Variants in DGKH observed in about 807,000 individuals in gnomAD.
DGKH encodes DAG kinase eta.
Under a neutral mutation model 159.3 loss-of-function variants are expected in DGKH, and 90 were observed. The ratio of observed to expected loss-of-function variants is 0.57; its 90% CI spans 0.48 to 0.67. The LOEUF (loss-of-function observed/expected upper bound fraction) is 0.67. DGKH is among the 30% of genes least tolerant of loss of function. The pLI is 0.00. For missense variants in DGKH, 1,181 were observed against 1,506.1 expected (o/e 0.78, Z 3.57); for synonymous variants, 536 against 553.8 (o/e 0.97, Z 0.45).
rs74399034 is a variant in DGKH, at chr13:42,239,493, A to G, written c.*10305A>G. The G allele has an allele frequency of 0.099, 15,091 of 152,602 alleles. 819 individuals are homozygous for G. Among genetic ancestry groups the G allele is most frequent in the Non-Finnish European group, 0.11 (7,572 of 67,980 alleles). The allele number at this position is 152,602 out of a possible 1,614,324, so 9.5% of individuals were successfully genotyped here. A position where few individuals can be genotyped will look rare whatever the true frequency, so the allele number is the denominator to read the frequency against. On this transcript the variant is annotated 3_prime_UTR_variant, in exon 30 of 30. Transcript: ENST00000337343. ...TCAATTTTTTTCAGTATGCAGTTGC[A>G]TATTTCATTTTTTGATTATGTCAAA... is the stretch of plus-strand genomic sequence containing the variant.
In DGKH at chr13:42,173,395, A is replaced by G. The variant is rs549463521; in HGVS notation, c.1368-665A>G. The stretch of plus-strand genomic sequence containing the variant: ...AGTTGATTGCTTTTCTCTAACACCA[A>G]ATGATTTTATGTTTGCTTTGAAATT... On this transcript the variant is annotated intron_variant, in intron 11 of 29. Transcript: ENST00000337343. Among the ~76,000 whole-genome samples the G allele has an allele frequency of 2.6e-5, 4 of 152,308 alleles. No homozygotes were observed. The East Asian group carries it at 7.7e-4, about 29-fold the overall frequency.
intron 11 of DGKH, among the ~76,000 whole-genome samples, chr13:42,173,245 A>G (rs139194669): frequency 0.021 from 3,238 of 152,350 alleles, 52 homozygotes; most frequent in Non-Finnish European, 0.033. Context: ...TGCTGGGATT[A>G]CAGGCATGAG....
intron 3 of DGKH, among the ~76,000 whole-genome samples, chr13:42,142,086 A>G (rs1223449113): frequency 1.3e-5 from 2 of 151,706 alleles, no homozygotes; most frequent in East Asian, 3.9e-4. Context: ...GGTGTAAGGA[A>G]GGGATCCAGT....
intron 1 of DGKH, among the ~76,000 whole-genome samples, chr13:42,108,376 G>T (rs1195610513): frequency 6.6e-6 from 1 of 152,174 alleles, no homozygotes; most frequent in Non-Finnish European, 1.5e-5. Context: ...CCTAAGCAGT[G>T]CTTAGGAAAA....
upstream of DGKH, among the ~76,000 whole-genome samples, chr13:42,048,059 G>T (rs1029471604): frequency 4.0e-5 from 6 of 151,430 alleles, no homozygotes; most frequent in Admixed American, 3.3e-4. The surrounding 1 kb of genome is among the most constrained non-coding windows in gnomAD (Gnocchi z 6.7). Flanking sequence ...GCCGCCGTCA[G>T]GAGAGCTGAG....
At chr13:42,155,871 T>A (rs1298653087) in intron 5 of DGKH, 72 bp downstream of exon 5, 2 of 1,577,732 alleles carry the variant, frequency 1.3e-6, no homozygotes, top group Non-Finnish European at 1.7e-6. Context: ...CTGGTTTTAT[T>A]GTAGCTTAAA....
At chr13:42,057,959 G>A (rs1593961315) in intron 1 of DGKH, among the ~76,000 whole-genome samples, 1 of 152,024 alleles carries the variant, frequency 6.6e-6, no homozygotes. Context: ...GGGGGTTGGG[G>A]GGAACCAAGT....
intron 3 of DGKH, among the ~76,000 whole-genome samples, chr13:42,152,241 T>C (rs1285201325): frequency 6.6e-6 from 1 of 152,118 alleles, no homozygotes; most frequent in African/African-American, 2.4e-5. Context: ...TTTGTTACAA[T>C]GGCAATAGGA....
chr13:42,109,869 C>T (rs912025777), intron 1 of DGKH, among the ~76,000 whole-genome samples: 2 of 152,080 alleles, frequency 1.3e-5, no homozygotes, highest in Admixed American at 1.3e-4. Context: ...ACTGGGTTAT[C>T]CTTTTTAGGG....
chr13:42,199,933 T>C (rs1368500094), intron 20 of DGKH, 24 bp downstream of exon 20: 6 of 1,562,328 alleles, frequency 3.8e-6, no homozygotes, highest in Non-Finnish European at 5.2e-6. Context: ...AAAGTAAAGA[T>C]ATTTCATATT....
At chr13:42,078,909 CTTTTTTTT>C (rs55801562) in intron 1 of DGKH, among the ~76,000 whole-genome samples, 7 of 93,576 alleles carry the variant, frequency 7.5e-5, no homozygotes, top group African/African-American at 3.4e-4. Context: ...GTATATTCTC[CTTTTTTTT>C]TTTTTTTTTT....
At chr13:42,247,110 C>T (rs1214544777), downstream of DGKH, among the ~76,000 whole-genome samples, 1 of 152,144 alleles carries the variant, frequency 6.6e-6, no homozygotes, top group East Asian at 1.9e-4. Context: ...ACCTACTCTG[C>T]TGCCAGTCAT....
In DGKH at chr13:42,168,451, T is replaced by C. The variant is rs1331883552; in HGVS notation, c.1130T>C (p.Phe377Ser). ...NGGPHLGLRL[F>S]QKFDNFRILV... is the part of the protein sequence containing the mutation. ...CTTTTTGCTTTCAGTTTAAGATTAT[T>C]TCAGAAGTTTGACAATTTCCGGATT... Residue 377 changes from phenylalanine to serine, a missense_variant, in exon 10 of 30, where the codon TTT becomes TCT. Transcript: ENST00000337343. The C allele has an allele frequency of 6.2e-7, 1 of 1,614,042 alleles. No homozygotes were observed. The highest frequency in any genetic ancestry group is 8.5e-7 in the Non-Finnish European group (1 of 1,179,942).
At chr13:42,073,501 C>T (rs1182258755) in intron 1 of DGKH, among the ~76,000 whole-genome samples, 1 of 152,054 alleles carries the variant, frequency 6.6e-6, no homozygotes, top group South Asian at 2.1e-4. Context: ...GTACAGTACT[C>T]GATAAATTAT....
At chr13:42,246,424 TAAAA>T (rs902478225), downstream of DGKH, among the ~76,000 whole-genome samples, 2 of 151,850 alleles carry the variant, frequency 1.3e-5, no homozygotes, top group South Asian at 4.2e-4. Context: ...TCATCTCTAT[TAAAA>T]AAAAGAGAGA....
At position 42,209,241 on chromosome 13, in the gene DGKH, G is replaced by A. The variant is rs531692719; in HGVS notation, c.2716-90G>A. 186 of 1,455,764 alleles carry A rather than the reference G, an allele frequency of 1.3e-4. 1 individual carries two copies. The African/African-American group carries it at 2.2e-3, about 17-fold the overall frequency. 90.2% of individuals were successfully genotyped at this position (1,455,764 alleles called of 1,614,324 possible). A position where few individuals can be genotyped will look rare whatever the true frequency, so the allele number is the denominator to read the frequency against. On this transcript the variant is annotated intron_variant, in intron 22 of 29. Coordinates refer to ENST00000337343, the MANE Select transcript of DGKH (RefSeq NM_178009.5). ...GTGATAAAGCATAATAGTCTATTCT[G>A]TAGAATAGTCTAATACTCAAGCCTT...
chr13:42,179,591 T>C (rs529811224), intron 13 of DGKH, among the ~76,000 whole-genome samples: 3 of 152,058 alleles, frequency 2.0e-5, no homozygotes, highest in Admixed American at 2.0e-4. Context: ...CTGGGCAATA[T>C]GACAAAACCT....
At chr13:42,186,024 T>TGA (rs1956917421) in intron 13 of DGKH, among the ~76,000 whole-genome samples, 2 of 146,626 alleles carry the variant, frequency 1.4e-5, no homozygotes, top group Admixed American at 1.3e-4. Context: ...TGTGTGTGTG[T>TGA]GTGTGTGTGT....
chr13:42,139,714 G>A (rs372477362), intron 3 of DGKH, among the ~76,000 whole-genome samples: 2 of 152,100 alleles, frequency 1.3e-5, no homozygotes, highest in African/African-American at 4.8e-5. Context: ...TTATCGAAGA[G>A]TTCATTATAT....
Sources: gnomAD v4.1 joint callset for allele counts (sites outside exome capture counted in the v4.1 genomes callset) on GRCh38, gnomAD v4.1.1 for gene constraint, Gnocchi (gnomAD v3.1) non-coding constraint, MANE v1.5 for transcripts, NCBI Gene and HGNC (gene_info 2026-07-23, HGNC 2026-07-21) for gene names.